Variants in PRELID2 observed in about 807,000 individuals in gnomAD.
The protein encoded by PRELID2 is PRELI domain-containing protein 2.
PRELID2 carries 25 observed loss-of-function variants against 28.4 expected under a neutral mutation model. That is an observed-to-expected ratio of 0.88 (90% CI 0.64 to 1.23). PRELID2 has a LOEUF of 1.23. PRELID2 is among the 50% of genes most tolerant of loss of function. PRELID2 has a pLI of 0.00. For synonymous variants in PRELID2, 76 were observed against 71.6 expected (o/e 1.06, Z -0.31); for missense variants, 201 against 214.4 (o/e 0.94, Z 0.39).
the PRELID2 span, among the ~76,000 whole-genome samples, chr5:145,245,411 GAA>G: frequency 6.7e-6 from 1 of 149,722 alleles, no homozygotes; most frequent in African/African-American, 2.5e-5. Flanking sequence ...AAAAGAAAGA[GAA>G]AGAGAGAGAG....
the PRELID2 span, among the ~76,000 whole-genome samples, chr5:145,324,242 G>C: frequency 6.6e-6 from 1 of 152,110 alleles, no homozygotes; most frequent in Non-Finnish European, 1.5e-5. Context: ...TTGTAGGGTG[G>C]AAAGAATCCC....
the PRELID2 span, among the ~76,000 whole-genome samples, chr5:145,399,725 C>A: frequency 1.3e-5 from 2 of 152,190 alleles, 1 homozygote; most frequent in South Asian, 4.2e-4. Context: ...GGCCCATTTA[C>A]AAAAGAAAGA....
chr5:145,397,002 C>A, the PRELID2 span, among the ~76,000 whole-genome samples: 4 of 152,042 alleles, frequency 2.6e-5, no homozygotes, highest in African/African-American at 4.8e-5. Flanking sequence ...AGAAAAATGT[C>A]TAGATATTAT....
intron 1 of PRELID2, among the ~76,000 whole-genome samples, chr5:145,645,582 C>A (rs543930925): frequency 3.3e-5 from 5 of 152,008 alleles, no homozygotes; most frequent in Non-Finnish European, 5.9e-5. Flanking sequence ...CCTTATGATG[C>A]TAGATGGTTA....
At chr5:145,315,386 TTTATAC>T in the PRELID2 span, among the ~76,000 whole-genome samples, 1 of 152,184 alleles carries the variant, frequency 6.6e-6, no homozygotes, top group African/African-American at 2.4e-5. Context: ...AATTCTTAAA[TTTATAC>T]TTATGCATAT....
At chr5:145,643,917 G>A (rs990694003) in intron 1 of PRELID2, among the ~76,000 whole-genome samples, 2 of 152,144 alleles carry the variant, frequency 1.3e-5, no homozygotes, top group Admixed American at 6.5e-5. Flanking sequence ...TTGTTTGCCA[G>A]TATTTTATTG....
At chr5:145,659,878 A>G (rs1754460255) in intron 1 of PRELID2, among the ~76,000 whole-genome samples, 1 of 152,210 alleles carries the variant, frequency 6.6e-6, no homozygotes, top group African/African-American at 2.4e-5. Context: ...GCATTGAAAT[A>G]TGGTGAGTCT....
intron 1 of PRELID2, among the ~76,000 whole-genome samples, chr5:145,529,275 G>T (rs1399902029): frequency 6.6e-6 from 1 of 152,158 alleles, no homozygotes; most frequent in African/African-American, 2.4e-5. Context: ...TACTGAATTT[G>T]TCAAAGCATT....
chr5:145,475,518 T>C (rs1752092293), intron 1 of PRELID2, among the ~76,000 whole-genome samples: 1 of 152,190 alleles, frequency 6.6e-6, no homozygotes, highest in African/African-American at 2.4e-5. Flanking sequence ...ACGCAGTTCT[T>C]ACTACATGAA....
chr5:145,780,663 T>C (rs1419535517), intron 5 of PRELID2, among the ~76,000 whole-genome samples: 1 of 152,240 alleles, frequency 6.6e-6, no homozygotes, highest in Non-Finnish European at 1.5e-5. Flanking sequence ...ATGATAAGTT[T>C]TTAAATTTTG....
the PRELID2 span, among the ~76,000 whole-genome samples, chr5:145,365,290 A>G: frequency 2.0e-5 from 3 of 151,978 alleles, no homozygotes; most frequent in African/African-American, 7.2e-5. Context: ...CACAAAAAAG[A>G]TAAGTATTTT....
At chr5:145,483,597 C>T (rs1752186212) in intron 1 of PRELID2, among the ~76,000 whole-genome samples, 1 of 152,176 alleles carries the variant, frequency 6.6e-6, no homozygotes, top group Non-Finnish European at 1.5e-5. Context: ...GAGGCATAAA[C>T]TCCAAGAGGT....
intron 1 of PRELID2, among the ~76,000 whole-genome samples, chr5:145,697,078 T>TACACAC (rs1172711688): frequency 2.0e-5 from 2 of 98,906 alleles, no homozygotes; most frequent in African/African-American, 1.0e-4. Context: ...TATATATATA[T>TACACAC]ATACACACAC....
At chr5:145,808,763 A>G (rs574095735) in intron 4 of PRELID2, among the ~76,000 whole-genome samples, 109 of 152,026 alleles carry the variant, frequency 7.2e-4, no homozygotes, top group Admixed American at 7.9e-4. Flanking sequence ...GCACACACCT[A>G]TATCTCAGCT....
At chr5:145,789,263 A>G (rs1752209227) in intron 5 of PRELID2, among the ~76,000 whole-genome samples, 1 of 152,214 alleles carries the variant, frequency 6.6e-6, no homozygotes, top group Non-Finnish European at 1.5e-5. Context: ...ACAAACCTAT[A>G]GTAATCAAAA....
chr5:145,428,330 C>A, the PRELID2 span, among the ~76,000 whole-genome samples: 1 of 152,108 alleles, frequency 6.6e-6, no homozygotes, highest in Admixed American at 6.5e-5. Context: ...GATTACCTCA[C>A]CTAGTCTCTC....
chr5:145,769,566 A>T (rs1273645679), intron 5 of PRELID2, among the ~76,000 whole-genome samples: 1 of 152,250 alleles, frequency 6.6e-6, no homozygotes, highest in Non-Finnish European at 1.5e-5. Context: ...GGAAGAGAGT[A>T]ATATTAGACC....
At chr5:145,316,283 G>A in the PRELID2 span, among the ~76,000 whole-genome samples, 2 of 152,172 alleles carry the variant, frequency 1.3e-5, no homozygotes, top group African/African-American at 2.4e-5. Context: ...GAGCACAAAA[G>A]AGAAAATAGC....
At chr5:145,269,379 G>A in the PRELID2 span, among the ~76,000 whole-genome samples, 154 of 152,006 alleles carry the variant, frequency 1.0e-3, no homozygotes, top group African/African-American at 3.7e-3. Context: ...GGCTACCAAA[G>A]TAATGTAATT....
Sources: allele counts gnomAD v4.1 joint callset (sites outside exome capture counted in the v4.1 genomes callset), GRCh38; gene constraint gnomAD v4.1.1; transcripts MANE v1.5; gene names NCBI Gene and HGNC (gene_info 2026-07-23, HGNC 2026-07-21).